DHRSX: variants seen among roughly 807,000 people sequenced by gnomAD.
DHRSX encodes dehydrogenase/reductase X-linked, also known as polyprenol dehydrogenase.
A neutral mutation model predicts 34.0 loss-of-function variants in DHRSX; 31 were observed. The ratio of observed to expected loss-of-function variants is 0.91; its 90% confidence interval spans 0.69 to 1.23. The LOEUF is 1.23. Ranked by LOEUF, DHRSX falls within the 50% of genes most tolerant of loss-of-function variation. The pLI is 0.00. For missense variants in DHRSX, 414 were observed against 428.1 expected, an observed-to-expected ratio of 0.97 and a Z score of 0.29; for synonymous variants, 201 against 183.8, an observed-to-expected ratio of 1.09 and a Z score of -0.76.
At chrX:2,353,584 A>ATTTT (rs774278281) in intron 3 of DHRSX, among the ~76,000 whole-genome samples, 19,533 of 135,874 alleles carry the variant, frequency 0.14, 1,940 homozygotes, top group Non-Finnish European at 0.2. Flanking sequence ...AGCTGATTGC[A>ATTTT]TTTTTTTTTT....
In DHRSX at chrX:2,467,257, A is replaced by G. The variant is rs190877816; in HGVS notation, c.109+33560T>C. Among the ~76,000 whole-genome samples the G allele has an allele frequency of 5.4e-3, 823 of 152,166 alleles. 8 individuals are homozygous for G. The highest frequency in any genetic ancestry group is 0.018 in the African/African-American group (765 of 41,510). On this transcript the variant is annotated intron_variant, in intron 1 of 6. Transcript: ENST00000334651. ...TACGTAGAAGGTGCATGCCTGCTCT[A>G]GGCTTCCACAAATCCCCGAGACCTA...
At chrX:2,332,286 T>C (rs1458541339) in intron 3 of DHRSX, among the ~76,000 whole-genome samples, 1 of 151,960 alleles carries the variant, frequency 6.6e-6, no homozygotes, top group East Asian at 1.9e-4. Context: ...CTCAAGGGTG[T>C]GGGTAGCTCG....
chrX:2,326,270 C>T (rs1415661339), intron 3 of DHRSX, among the ~76,000 whole-genome samples: 1 of 152,164 alleles, frequency 6.6e-6, no homozygotes, highest in Non-Finnish European at 1.5e-5. Context: ...CACCTGTAAT[C>T]CCAGCACTTT....
At chrX:2,381,396 TG>T (rs1211410155) in intron 3 of DHRSX, among the ~76,000 whole-genome samples, 1 of 152,090 alleles carries the variant, frequency 6.6e-6, no homozygotes, top group African/African-American at 2.4e-5. Context: ...TGGCATGCTT[TG>T]ATCTTGGACT....
chrX:2,288,687 A>T (rs1399591736), intron 4 of DHRSX, among the ~76,000 whole-genome samples: 4 of 152,236 alleles, frequency 2.6e-5, no homozygotes, highest in South Asian at 4.1e-4. Context: ...TGAGGCATTG[A>T]GCGAAGGTAA....
At chrX:2,346,031 C>T (rs2042705561) in intron 3 of DHRSX, among the ~76,000 whole-genome samples, 1 of 152,142 alleles carries the variant, frequency 6.6e-6, no homozygotes, top group Non-Finnish European at 1.5e-5. Flanking sequence ...CCCGTGGTAT[C>T]CTTGTTCTGT....
At chrX:2,232,421 C>T (rs1179989592) in intron 6 of DHRSX, among the ~76,000 whole-genome samples, 3 of 152,070 alleles carry the variant, frequency 2.0e-5, no homozygotes, top group African/African-American at 7.2e-5. Context: ...CTTTTGTCCA[C>T]AGCCCCAAAG....
At chrX:2,382,621 C>T (rs868811696) in intron 3 of DHRSX, among the ~76,000 whole-genome samples, 6 of 9,110 alleles carry the variant, frequency 6.6e-4, no homozygotes, top group East Asian at 3.0e-3. Context: ...ATCATCACCA[C>T]CATCATCACC....
At chrX:2,303,732 A>C (rs2042043205) in intron 3 of DHRSX, among the ~76,000 whole-genome samples, 1 of 147,942 alleles carries the variant, frequency 6.8e-6, no homozygotes, top group Non-Finnish European at 1.5e-5. Flanking sequence ...AGATGGATGG[A>C]TAGGTGGATG....
chrX:2,490,731 C>T (rs369883429), intron 1 of DHRSX: 44 of 1,606,618 alleles, frequency 2.7e-5, no homozygotes, highest in Non-Finnish European at 3.1e-5. Flanking sequence ...GCTTCTCCAC[C>T]GGAGCCTGCC....
chrX:2,432,968 T>A (rs982646160), intron 1 of DHRSX, among the ~76,000 whole-genome samples: 3 of 151,882 alleles, frequency 2.0e-5, no homozygotes, highest in Non-Finnish European at 2.9e-5. Flanking sequence ...ACAAAAAATT[T>A]AAAAAATTAA....
intron 3 of DHRSX, among the ~76,000 whole-genome samples, chrX:2,367,897 A>G (rs1011319947): frequency 1.3e-5 from 2 of 152,154 alleles, no homozygotes; most frequent in African/African-American, 4.8e-5. Flanking sequence ...ACTGCTAAAC[A>G]ATGAAAAAGA....
rs111967041 is a variant in DHRSX, at chrX:2,294,988, T to C, written c.287-3385A>G. 1.9e-3 allele frequency among the ~76,000 whole-genome samples: 290 copies of C among 152,246 alleles called. 1 individual carries two copies. Among genetic ancestry groups the C allele is most frequent in the African/African-American group, 6.7e-3 (280 of 41,562 alleles). On this transcript the variant is annotated intron_variant, in intron 3 of 6. Transcript: ENST00000334651. The stretch of plus-strand genomic sequence containing the variant: ...TTACACCGTTGGTAGGAGTGTAAAT[T>C]AGTTCAACCATTGTGGAAGACAGTG...
chrX:2,491,402 G>A (rs1372584965), intron 1 of DHRSX, among the ~76,000 whole-genome samples: 2 of 152,130 alleles, frequency 1.3e-5, no homozygotes, highest in African/African-American at 4.8e-5. Context: ...GGGGCTTGTT[G>A]TTCCTGTCCT....
chrX:2,492,912 AAAT>A (rs1335556338), intron 1 of DHRSX, among the ~76,000 whole-genome samples: 1 of 152,248 alleles, frequency 6.6e-6, no homozygotes, highest in Non-Finnish European at 1.5e-5. Flanking sequence ...ATTTTGCCCG[AAAT>A]AATGAGTGGA....
intron 5 of DHRSX, among the ~76,000 whole-genome samples, chrX:2,251,099 C>T (rs1212406615): frequency 1.3e-5 from 2 of 152,262 alleles, no homozygotes; most frequent in East Asian, 1.9e-4. Context: ...CTGCCTCCAG[C>T]CACTGTCTCA....
chrX:2,480,555 C>G (rs986433975), intron 1 of DHRSX, among the ~76,000 whole-genome samples: 20 of 151,558 alleles, frequency 1.3e-4, no homozygotes, highest in African/African-American at 4.8e-4. Context: ...TGGTAGCATG[C>G]ACCTGCAGTC....
chrX:2,345,508 G>A (rs988122215), intron 3 of DHRSX, among the ~76,000 whole-genome samples: 15 of 151,798 alleles, frequency 9.9e-5, no homozygotes, highest in African/African-American at 2.4e-4. Context: ...TTAGCTGGGC[G>A]TGGTGGTGTG....
At chrX:2,383,086 TCAC>T (rs2043231953) in intron 3 of DHRSX, among the ~76,000 whole-genome samples, 1 of 148,652 alleles carries the variant, frequency 6.7e-6, no homozygotes, top group African/African-American at 2.5e-5. Context: ...AGCAGCAGCA[TCAC>T]CACCATCACC....
Sources: gnomAD v4.1 joint callset for allele counts (sites outside exome capture counted in the v4.1 genomes callset) on GRCh38, gnomAD v4.1.1 for gene constraint, MANE v1.5 for transcripts, NCBI Gene and HGNC (gene_info 2026-07-23, HGNC 2026-07-21) for gene names.